The following MCTP1 variants were observed in gnomAD, a reference collection of about 807,000 sequenced individuals.
The protein encoded by MCTP1 is multiple C2 and transmembrane domain-containing protein 1.
In MCTP1, 69 loss-of-function variants were observed where a neutral mutation model predicts 120.6. The observed-to-expected ratio is 0.57, with a 90% CI of 0.47 to 0.70. The LOEUF (loss-of-function observed/expected upper bound fraction) is 0.70. Among genes scored for constraint, MCTP1 ranks in the 30% least tolerant of loss-of-function variants. The probability of loss-of-function intolerance (pLI) is 0.00; values close to 1 mark genes in which losing one functional copy is unlikely to be tolerated. For synonymous variants in MCTP1, 529 were observed against 493.1 expected (o/e 1.07, Z -0.96); for missense variants, 1,203 against 1,248.8 (o/e 0.96, Z 0.55).
At chr5:94,940,958 G>C (rs1817566519) in intron 4 of MCTP1, among the ~76,000 whole-genome samples, 1 of 151,790 alleles carries the variant, frequency 6.6e-6, no homozygotes, top group South Asian at 2.1e-4. Context: ...GTAGTAATTA[G>C]ATGTTTATGT....
At chr5:95,230,217 CACATACATATAT>C (rs1754775926) in intron 1 of MCTP1, among the ~76,000 whole-genome samples, 1 of 148,484 alleles carries the variant, frequency 6.7e-6, no homozygotes, top group African/African-American at 2.5e-5. Context: ...CACACATATA[CACATACATATAT>C]GTGTGTGTGT....
chr5:95,255,871 C>T (rs1273056046), intron 1 of MCTP1, among the ~76,000 whole-genome samples: 1 of 152,100 alleles, frequency 6.6e-6, no homozygotes, highest in Non-Finnish European at 1.5e-5. Context: ...TAAGTCACTG[C>T]CCTACCTAAG....
intron 1 of MCTP1, among the ~76,000 whole-genome samples, chr5:95,118,485 T>C (rs867701929): frequency 6.6e-6 from 1 of 151,836 alleles, no homozygotes; most frequent in Non-Finnish European, 1.5e-5. Context: ...AAAGAGACCA[T>C]AAAACAAACA....
In MCTP1 at chr5:95,129,954, C is replaced by A. The variant is rs191426203; in HGVS notation, c.721-112470G>T. Among the ~76,000 whole-genome samples the A allele has an allele frequency of 4.0e-5, 6 of 151,896 alleles. No individual in the cohort carries two copies. In the East Asian group the frequency reaches 7.8e-4, roughly 20 times the overall value. On this transcript the variant is annotated intron_variant, in intron 1 of 22. Transcript: ENST00000515393. ...GGGATTACTGGCATGAGCCACCCTG[C>A]CCAGCCAGAGGATGGGCAAATTTTT...
At chr5:94,765,260 C>A (rs988472335) in intron 19 of MCTP1, among the ~76,000 whole-genome samples, 1 of 152,066 alleles carries the variant, frequency 6.6e-6, no homozygotes, top group Non-Finnish European at 1.5e-5. Context: ...CTACGAGGGC[C>A]ATTTATAGAA....
At chr5:95,201,218 T>C (rs1750973413) in intron 1 of MCTP1, among the ~76,000 whole-genome samples, 1 of 152,170 alleles carries the variant, frequency 6.6e-6, no homozygotes, top group Admixed American at 6.5e-5. Flanking sequence ...AAAGTGTGGT[T>C]CTAGGACAAG....
chr5:95,045,998 T>C (rs1843070259), intron 1 of MCTP1, among the ~76,000 whole-genome samples: 1 of 152,142 alleles, frequency 6.6e-6, no homozygotes, highest in South Asian at 2.1e-4. Context: ...GCTCTGAGAA[T>C]TTAATGAGTT....
intron 17 of MCTP1, among the ~76,000 whole-genome samples, chr5:94,820,920 C>T (rs774165132): frequency 2.0e-5 from 3 of 152,142 alleles, no homozygotes; most frequent in Admixed American, 6.6e-5. Context: ...CTGAGATAGG[C>T]GCTTTTCATA....
chr5:94,982,884 C>CAAAAAAAAAAAAAAAAAAAAAAAAAAAAA lies in MCTP1; in HGVS notation c.839-29552_839-29524dup, dbSNP rs34561115. Among the ~76,000 whole-genome samples, 14 of 28,620 alleles carry CAAAAAAAAAAAAAAAAAAAAAAAAAAAAA rather than the reference C, an allele frequency of 4.9e-4. 3 individuals are homozygous for CAAAAAAAAAAAAAAAAAAAAAAAAAAAAA. Among genetic ancestry groups the CAAAAAAAAAAAAAAAAAAAAAAAAAAAAA allele is most frequent in the Non-Finnish European group, 9.2e-4 (11 of 12,002 alleles). 18.8% of individuals were successfully genotyped at this position (28,620 alleles called of 152,430 possible). ...ACCTGGGGGACAGAGCACACTTCAT[C>CAAAAAAAAAAAAAAAAAAAAAAAAAAAAA]AAAAAAAAAAAAAAAAAAAAAAAAA... On this transcript the variant is annotated intron_variant, in intron 2 of 22. Coordinates refer to ENST00000515393, the MANE Select transcript of MCTP1 (RefSeq NM_024717.7).
chr5:94,917,624 T>C (rs953146491), intron 8 of MCTP1, among the ~76,000 whole-genome samples: 2 of 152,160 alleles, frequency 1.3e-5, no homozygotes, highest in African/African-American at 2.4e-5. Flanking sequence ...ATAAAGAATA[T>C]CAAGACACCA....
intron 1 of MCTP1, among the ~76,000 whole-genome samples, chr5:95,137,348 G>A (rs1447653401): frequency 6.6e-6 from 1 of 152,194 alleles, no homozygotes; most frequent in Non-Finnish European, 1.5e-5. Context: ...TCAATAACAC[G>A]ATAGTCCCTG....
intron 20 of MCTP1, among the ~76,000 whole-genome samples, chr5:94,712,528 T>A (rs1024091935): frequency 4.6e-5 from 7 of 152,140 alleles, no homozygotes; most frequent in Admixed American, 2.0e-4. Context: ...TCCTTACCTT[T>A]GTGGCATGTA....
intron 3 of MCTP1, among the ~76,000 whole-genome samples, chr5:94,946,383 G>A (rs946961822): frequency 1.3e-5 from 2 of 152,128 alleles, no homozygotes; most frequent in African/African-American, 2.4e-5. Flanking sequence ...GTGGCTTAAT[G>A]GCTAGCATAG....
chr5:95,074,330 T>G (rs1197435372), intron 1 of MCTP1, among the ~76,000 whole-genome samples: 1 of 152,168 alleles, frequency 6.6e-6, no homozygotes, highest in East Asian at 1.9e-4. Flanking sequence ...CACTTTGAAG[T>G]GCTGTTGCTT....
intron 1 of MCTP1, among the ~76,000 whole-genome samples, chr5:95,033,798 C>T (rs745847863): frequency 2.6e-5 from 4 of 151,946 alleles, no homozygotes; most frequent in East Asian, 1.9e-4. Context: ...TCACTGACAA[C>T]GTGATCCAAT....
chr5:94,768,788 A>T lies in MCTP1; in HGVS notation c.2610+10322T>A, dbSNP rs552988025. On this transcript the variant is annotated intron_variant, in intron 19 of 22. Transcript: ENST00000515393. ...GGAACTCTTGTGCATAATTGGTGGG[A>T]ATGTGAATTAGTAGAGCCATTATGG... Among the ~76,000 whole-genome samples the T allele has an allele frequency of 7.2e-5, 11 of 152,330 alleles. No individual in the cohort carries two copies. The South Asian group carries it at 2.3e-3, about 32-fold the overall frequency.
At chr5:95,218,728 G>A (rs947917244) in intron 1 of MCTP1, among the ~76,000 whole-genome samples, 1 of 152,168 alleles carries the variant, frequency 6.6e-6, no homozygotes, top group African/African-American at 2.4e-5. Context: ...GAACATCATG[G>A]AATGTACTTA....
chr5:94,938,253 A>G (rs1203507943), intron 5 of MCTP1, among the ~76,000 whole-genome samples: 1 of 152,064 alleles, frequency 6.6e-6, no homozygotes, highest in African/African-American at 2.4e-5. Flanking sequence ...TGTTTTGGGG[A>G]AAGACCCAAA....
At chr5:95,145,878 G>T (rs1397744318) in intron 1 of MCTP1, among the ~76,000 whole-genome samples, 1 of 152,050 alleles carries the variant, frequency 6.6e-6, no homozygotes, top group Non-Finnish European at 1.5e-5. Context: ...GCCAGATTTT[G>T]ATATCAGGAT....
Sources: gnomAD v4.1 joint callset for allele counts (sites outside exome capture counted in the v4.1 genomes callset) on GRCh38, gnomAD v4.1.1 for gene constraint, MANE v1.5 for transcripts, NCBI Gene and HGNC (gene_info 2026-07-23, HGNC 2026-07-21) for gene names.